Variants in BCOR observed in about 807,000 individuals in gnomAD.
BCOR encodes BCL-6 corepressor.
In BCOR, 10 loss-of-function variants were observed where a neutral mutation model predicts 86.7. The ratio of observed to expected loss-of-function variants is 0.12; its 90% CI spans 0.07 to 0.20. The LOEUF (loss-of-function observed/expected upper bound fraction) is 0.20. Among genes scored for constraint, BCOR ranks in the 10% least tolerant of loss-of-function variants. The pLI, the probability that BCOR is intolerant of heterozygous loss-of-function variation, is 1.00. For synonymous variants in BCOR, 611 were observed against 609.0 expected (o/e 1.00, Z -0.05); for missense variants, 1,259 against 1,452.1 (o/e 0.87, Z 2.16).
intron 1 of BCOR, among the ~76,000 whole-genome samples, chrX:40,134,621 T>C (rs1413747687): frequency 9.0e-6 from 1 of 111,047 alleles, no homozygotes; most frequent in Non-Finnish European, 1.9e-5. Context: ...AGACCCTGTC[T>C]CAAAAACCAA....
Position 40,053,918 on chromosome X carries a change from C to T in BCOR, c.4944G>A (p.Pro1648=), listed in dbSNP as rs1479323402. 8 of 1,209,288 alleles carry T rather than the reference C, an allele frequency of 6.6e-6. No homozygotes were observed. The highest frequency in any genetic ancestry group is 2.2e-5 in the Admixed American group (1 of 45,628). Residue 1648 remains proline (P), a synonymous_variant, in exon 14 of 15, where the codon CCG becomes CCA. Transcript: ENST00000378444. ...CCACAGATACTTGGATGTTATAACA[C>T]GGTAAGAGGGGGGTCTCTGAAAATT... ...EFEFSETPLL[P]CYNIQVSVAQ... is the part of the protein sequence containing the mutation.
intron 1 of BCOR, among the ~76,000 whole-genome samples, chrX:40,167,718 C>T (rs759219202): frequency 2.4e-4 from 27 of 111,567 alleles, no homozygotes; most frequent in Admixed American, 9.4e-5. Flanking sequence ...AAGAGCTGGG[C>T]GCATTGTCTC....
rs142866108 is a variant in BCOR at position 40,062,905 on chromosome X, T to G, written c.4014A>C (p.Glu1338Asp). The G allele has an allele frequency of 9.3e-5, 112 of 1,209,382 alleles. No individual in the cohort carries two copies. Among genetic ancestry groups the G allele is most frequent in the Non-Finnish European group, 1.2e-4 (108 of 894,746 alleles). ...GCAGGGAGGCAGCCTGGCAATCCTC[T>G]TCTTCGTCTGCACACAGCACATCTG... Reference protein sequence around the residue: ...QKTDVLCADEEEDCQAASLLQ... With the variant: ...QKTDVLCADEDEDCQAASLLQ... The change falls in exon 9 of 15, where the codon GAA becomes GAC. Residue 1338 changes from glutamate (E) to aspartate (D), a missense_variant. Around this residue, in one of 7 missense-constraint regions of BCOR, gnomAD observed 305 missense variants for 286.1 expected, o/e 1.07. Coordinates refer to ENST00000378444, the MANE Select transcript of BCOR (RefSeq NM_001123385.2).
At chrX:40,064,140 G>A (rs757649216) in intron 7 of BCOR, among the ~76,000 whole-genome samples, 188 bp from the exon 8 acceptor site, 6 of 110,106 alleles carry the variant, frequency 5.4e-5, no homozygotes, top group East Asian at 2.9e-4. Context: ...GGCTCCCCCC[G>A]GGGGCTCCAG....
chrX:40,126,522 CAAA>C (rs111701164), intron 1 of BCOR, among the ~76,000 whole-genome samples: 9 of 71,564 alleles, frequency 1.3e-4, no homozygotes, highest in African/African-American at 2.4e-4. Flanking sequence ...AAAATTCCGT[CAAA>C]AAAAAAAAAA....
intron 8 of BCOR, 36 bp from the exon 9 acceptor site, chrX:40,063,107 TG>T: frequency 2.0e-6 from 1 of 497,145 alleles, no homozygotes. Context: ...GGCGGGCGGA[TG>T]GGAGACGGGA....
intron 6 of BCOR, among the ~76,000 whole-genome samples, chrX:40,065,383 A>G (rs1035939907): frequency 6.2e-5 from 7 of 113,154 alleles, no homozygotes; most frequent in African/African-American, 2.2e-4. Context: ...CCTGTCCAAC[A>G]CAAAGGGACC....
Position 40,054,005 on chromosome X carries a change from G to T in BCOR, c.4857C>A (p.Asn1619Lys). 1 of 1,211,527 alleles carries T rather than the reference G, an allele frequency of 8.3e-7. No individual in the cohort carries two copies. Among genetic ancestry groups the T allele is most frequent in the Non-Finnish European group, 1.1e-6 (1 of 895,271 alleles). Residue 1619 changes from asparagine to lysine, a missense_variant, in exon 14 of 15, where the codon AAC becomes AAA. Asn to Lys is a moderately conservative substitution (Grantham distance 94). Transcript: ENST00000378444. Reference sequence around the variant, plus strand: ...CATCCTGGTCTTCTGGTCCTGGGGGGTTGGCTAAAACATCATAGCCACTTT... The same window carrying T: ...CATCCTGGTCTTCTGGTCCTGGGGGTTTGGCTAAAACATCATAGCCACTTT... ...DDESGYDVLA[N>K]PPGPEDQDDD... is the part of the protein sequence containing the mutation.
In BCOR at chrX:40,080,823, TGTG is replaced by T. The variant is rs1569164413; in HGVS notation, c.-40-2857_-40-2855del. On this transcript the variant is annotated intron_variant, in intron 1 of 14. Coordinates refer to ENST00000378444, the MANE Select transcript of BCOR (RefSeq NM_001123385.2). ...GCAGAGCGGTTCACTGTCGTGTGTGTGTGTGTGTGTGTGTGTGTGTGTGTGTGT... is the reference window on the plus strand; with the variant it reads ...GCAGAGCGGTTCACTGTCGTGTGTGTTGTGTGTGTGTGTGTGTGTGTGTGT... Among the ~76,000 whole-genome samples, 52 of 49,902 alleles carry T rather than the reference TGTG, an allele frequency of 1.0e-3. 1 individual carries two copies. The African/African-American group carries it at 0.016, about 15-fold the overall frequency. 43.3% of individuals were successfully genotyped at this position (49,902 alleles called of 115,157 possible).
intron 1 of BCOR, among the ~76,000 whole-genome samples, chrX:40,115,858 T>G (rs1306064545): frequency 9.1e-6 from 1 of 110,149 alleles, no homozygotes; most frequent in Non-Finnish European, 1.9e-5. Flanking sequence ...GTTTGAAAAA[T>G]ACCTGTACCT....
intron 1 of BCOR, among the ~76,000 whole-genome samples, chrX:40,094,091 A>T (rs1212889332): frequency 3.6e-5 from 4 of 111,344 alleles, no homozygotes; most frequent in Non-Finnish European, 7.6e-5. Context: ...AATTTCCACT[A>T]GGCTCTTTGC....
chrX:40,141,114 G>T (rs753101432), intron 1 of BCOR, among the ~76,000 whole-genome samples: 1 of 112,579 alleles, frequency 8.9e-6, no homozygotes, highest in Non-Finnish European at 1.9e-5. Flanking sequence ...GGCTGCCAAG[G>T]GGCAGCAGGG....
intron 11 of BCOR, 131 bp from the exon 12 acceptor site, chrX:40,055,644 T>C (rs1312689160): frequency 4.1e-6 from 3 of 729,843 alleles, no homozygotes; most frequent in Non-Finnish European, 6.1e-6. Context: ...CTAAGCACAG[T>C]ATTTCATCCA....
At chrX:40,160,503 G>A (rs1176128888) in intron 1 of BCOR, among the ~76,000 whole-genome samples, 2 of 90,135 alleles carry the variant, frequency 2.2e-5, no homozygotes, top group African/African-American at 9.7e-5. Flanking sequence ...GCGACAGAGC[G>A]AGACCCTGTC....
At position 40,054,245 on chromosome X, in the gene BCOR, A is replaced by C. The variant is rs1483429130; in HGVS notation, c.4819+11T>G. The C allele has an allele frequency of 3.3e-6, 4 of 1,201,632 alleles. No individual in the cohort carries two copies. Among genetic ancestry groups the C allele is most frequent in the Non-Finnish European group, 4.5e-6 (4 of 888,884 alleles). On this transcript the variant is annotated intron_variant, in intron 13 of 14. Transcript: ENST00000378444. ...ACCTCCTACGGAACTAGAGCAAACA[A>C]TGCAGCTTACCACAAACAGAGCTGC...
At chrX:40,070,332 G>A (rs762788508) in intron 6 of BCOR, among the ~76,000 whole-genome samples, 70 of 112,180 alleles carry the variant, frequency 6.2e-4, no homozygotes, top group Admixed American at 2.8e-4. Flanking sequence ...TAGAAGACTC[G>A]TGAGCAAATC....
chrX:40,084,727 C>T (rs1344255011), intron 1 of BCOR, among the ~76,000 whole-genome samples: 1 of 105,392 alleles, frequency 9.5e-6, no homozygotes, highest in Non-Finnish European at 1.9e-5. Flanking sequence ...CCACCACCAC[C>T]GAAGGGAACA....
chrX:40,168,573 G>C (rs1356505830), intron 1 of BCOR, among the ~76,000 whole-genome samples: 2 of 112,657 alleles, frequency 1.8e-5, no homozygotes, highest in South Asian at 3.6e-4. Flanking sequence ...CCTGTTGCTC[G>C]AGGCCTCGGG....
Position 40,064,345 on chromosome X carries a change from C to G in BCOR, c.3493G>C (p.Val1165Leu). 2 of 1,212,353 alleles carry G rather than the reference C, an allele frequency of 1.6e-6. No individual in the cohort carries two copies. Among genetic ancestry groups the G allele is most frequent in the East Asian group, 3.0e-5 (1 of 33,846 alleles). ...DPLLKAKRRR[V>L]SKDDWPEREM... is the part of the protein sequence containing the mutation. The stretch of plus-strand genomic sequence containing the variant: ...AGCAGACAGGGCTCACCTTTAGAGA[C>G]TCGTCGGCGTTTGGCTTTCAGCAGA... Residue 1165 changes from valine (V) to leucine (L), a missense_variant, in exon 7 of 15, where the codon GTC becomes CTC. By Grantham distance (32) the Val-to-Leu change is conservative (BLOSUM62 1). Coordinates refer to ENST00000378444, the MANE Select transcript of BCOR (RefSeq NM_001123385.2).
Sources: gnomAD v4.1 joint callset for allele counts (sites outside exome capture counted in the v4.1 genomes callset) on GRCh38, gnomAD v4.1.1 for gene constraint, gnomAD v4.1.1 regional missense constraint, MANE v1.5 for transcripts, NCBI Gene and HGNC (gene_info 2026-07-23, HGNC 2026-07-21) for gene names.